The following HSPA12A variants were observed in gnomAD, a reference collection of about 807,000 sequenced individuals.
HSPA12A encodes the protein heat shock protein family A (Hsp70) member 12A, also known as heat shock 70 kDa protein 12A.
HSPA12A carries 28 observed loss-of-function variants against 69.2 expected under a neutral mutation model. That is an observed-to-expected ratio of 0.40 (90% CI 0.30 to 0.55). The LOEUF (loss-of-function observed/expected upper bound fraction) is 0.55. Ranked by LOEUF, HSPA12A falls within the 20% of genes least tolerant of loss-of-function variation. The pLI is 0.38. For synonymous variants in HSPA12A, 345 were observed against 370.5 expected, an observed-to-expected ratio of 0.93 and a Z score of 0.79; for missense variants, 686 against 900.7, an observed-to-expected ratio of 0.76 and a Z score of 3.05.
intron 10 of HSPA12A, 40 bp from the exon 11 acceptor site, chr10:116,676,542 T>G (rs782054387): frequency 1.1e-5 from 16 of 1,482,946 alleles, no homozygotes; most frequent in Non-Finnish European, 1.5e-5. Flanking sequence ...GCAGTGAGGG[T>G]CTACACGATA....
intron 2 of HSPA12A, among the ~76,000 whole-genome samples, chr10:116,756,206 G>C (rs112858939): frequency 1.3e-5 from 2 of 152,126 alleles, no homozygotes; most frequent in Non-Finnish European, 2.9e-5. Flanking sequence ...AACTCTGTCC[G>C]GAGACTGATG....
intron 1 of HSPA12A, among the ~76,000 whole-genome samples, chr10:116,719,359 G>A (rs1850704977): frequency 6.6e-6 from 1 of 152,156 alleles, no homozygotes; most frequent in African/African-American, 2.4e-5. Flanking sequence ...GCACAGGGGC[G>A]TGAGGCCACA....
At chr10:116,707,383 G>A (rs1393707364) in intron 1 of HSPA12A, 98 bp from the exon 2 acceptor site, 20 of 942,992 alleles carry the variant, frequency 2.1e-5, no homozygotes, top group Admixed American at 6.2e-5. Flanking sequence ...CAGGAACTGC[G>A]GCCTCTGCAA....
chr10:116,793,097 T>G (rs1198808678), intron 2 of HSPA12A, among the ~76,000 whole-genome samples: 2 of 152,070 alleles, frequency 1.3e-5, no homozygotes, highest in Non-Finnish European at 2.9e-5. Context: ...AAGAACAAGG[T>G]GAAATACAGA....
chr10:116,748,853 T>C (rs1554888037), intron 2 of HSPA12A, among the ~76,000 whole-genome samples: 2 of 152,268 alleles, frequency 1.3e-5, no homozygotes, highest in Non-Finnish European at 1.5e-5. Context: ...GTGGGAGCTA[T>C]AATTCAAGAT....
At position 116,692,411 on chromosome 10, in the gene HSPA12A, G is replaced by A; in HGVS notation, c.603C>T (p.Ile201=). ...GCTGCTTCCAGATGGCAGGCACCGT[G>A]ATGACCCATCTGACATCAGAGTTCT... ...EFENSDVRWV[I]TVPAIWKQPA... is the part of the protein sequence containing the mutation. Residue 201 remains isoleucine (I), a synonymous_variant, in exon 6 of 12, where the codon ATC becomes ATT. Coordinates refer to ENST00000369209, the MANE Select transcript of HSPA12A (RefSeq NM_025015.3). 1.2e-6 allele frequency: 2 copies of A among 1,614,168 alleles called. No individual in the cohort carries two copies. Among genetic ancestry groups the A allele is most frequent in the Non-Finnish European group, 1.7e-6 (2 of 1,180,032 alleles).
At chr10:116,757,252 A>C (rs1303814018) in intron 2 of HSPA12A, among the ~76,000 whole-genome samples, 2 of 152,142 alleles carry the variant, frequency 1.3e-5, no homozygotes, top group African/African-American at 4.8e-5. Flanking sequence ...GTGAATTGGC[A>C]CGTTAGTGTT....
intron 3 of HSPA12A, among the ~76,000 whole-genome samples, chr10:116,701,897 G>A (rs533046994): frequency 3.3e-5 from 5 of 152,142 alleles, no homozygotes; most frequent in Non-Finnish European, 7.3e-5. Flanking sequence ...TTAGAGCAGG[G>A]GTATGACAGA....
upstream of HSPA12A, among the ~76,000 whole-genome samples, chr10:116,743,438 G>T (rs1315489207): frequency 6.6e-6 from 1 of 152,186 alleles, no homozygotes; most frequent in African/African-American, 2.4e-5. Flanking sequence ...GTCGTTTCCG[G>T]GTGCCTGGCA....
At chr10:116,850,122 A>C, upstream of HSPA12A, 1 of 304,266 alleles carries the variant, frequency 3.3e-6, no homozygotes, top group Non-Finnish European at 6.4e-6. Context: ...CACCGACCTT[A>C]AGCAGCTCCT....
chr10:116,788,051 G>T (rs1844615904), intron 2 of HSPA12A, among the ~76,000 whole-genome samples: 1 of 152,150 alleles, frequency 6.6e-6, no homozygotes, highest in Admixed American at 6.5e-5. Context: ...TCCACGCAAC[G>T]CCGTTAAATT....
chr10:116,786,925 C>G (rs1035088792), intron 2 of HSPA12A, among the ~76,000 whole-genome samples: 1 of 151,872 alleles, frequency 6.6e-6, no homozygotes, highest in Non-Finnish European at 1.5e-5. Flanking sequence ...CAGGTAGGAG[C>G]CACTGCACCC....
chr10:116,709,569 A>G (rs1311518526), intron 1 of HSPA12A, among the ~76,000 whole-genome samples: 1 of 152,224 alleles, frequency 6.6e-6, no homozygotes, highest in Non-Finnish European at 1.5e-5. Flanking sequence ...TGAACCTAGA[A>G]AATATGCTAA....
At chr10:116,848,907 A>G (rs1295906793) in intron 1 of HSPA12A, among the ~76,000 whole-genome samples, 1 of 152,180 alleles carries the variant, frequency 6.6e-6, no homozygotes, top group African/African-American at 2.4e-5. Flanking sequence ...AATATCCCAG[A>G]GAAGGGCAAG....
At chr10:116,745,283 C>T (rs1468632369), upstream of HSPA12A, among the ~76,000 whole-genome samples, 1 of 152,226 alleles carries the variant, frequency 6.6e-6, no homozygotes, top group Non-Finnish European at 1.5e-5. Context: ...AGCGGGAACA[C>T]AGCCCAGCAC....
intron 2 of HSPA12A, among the ~76,000 whole-genome samples, chr10:116,778,757 C>T (rs1844396945): frequency 6.6e-6 from 1 of 151,990 alleles, no homozygotes; most frequent in African/African-American, 2.4e-5. Context: ...ATGGGACCCG[C>T]TATGAAAAAT....
intron 5 of HSPA12A, among the ~76,000 whole-genome samples, chr10:116,692,900 T>C (rs1849776232): frequency 6.6e-6 from 1 of 152,214 alleles, no homozygotes; most frequent in Non-Finnish European, 1.5e-5. Flanking sequence ...GCACTTTGCA[T>C]ACCTTGTCTC....
chr10:116,776,643 T>C (rs1844345062), intron 2 of HSPA12A, among the ~76,000 whole-genome samples: 1 of 152,198 alleles, frequency 6.6e-6, no homozygotes, highest in South Asian at 2.1e-4. Context: ...ACCGCTTCCC[T>C]GAAGTACTCA....
At position 116,815,425 on chromosome 10, in the gene HSPA12A, A is replaced by G. The variant is rs187430038; in HGVS notation, c.91+19510T>C. 3.9e-3 allele frequency among the ~76,000 whole-genome samples: 591 copies of G among 152,208 alleles called. 4 individuals are homozygous for G. Among genetic ancestry groups the G allele is most frequent in the African/African-American group, 0.013 (548 of 41,538 alleles). ...CACATGTAATTTTCTGAATACAAAA[A>G]TTAGCCAGGTGTGGTGGTGCGTGCC... is the stretch of plus-strand genomic sequence containing the variant. On this transcript the variant is annotated intron_variant, in intron 2 of 12. Coordinates refer to the HSPA12A transcript ENST00000635765.
Sources: gnomAD v4.1 joint callset for allele counts (sites outside exome capture counted in the v4.1 genomes callset) on GRCh38, gnomAD v4.1.1 for gene constraint, MANE v1.5 for transcripts, NCBI Gene and HGNC (gene_info 2026-07-23, HGNC 2026-07-21) for gene names.